SMTNL2: variants seen among roughly 807,000 people sequenced by gnomAD.
SMTNL2 encodes smoothelin-like protein 2.
In SMTNL2, 43 loss-of-function variants were observed where a neutral mutation model predicts 44.1. That is an observed-to-expected ratio of 0.98 (90% CI 0.76 to 1.26). The LOEUF (loss-of-function observed/expected upper bound fraction) is 1.26, where lower values mean the gene tolerates loss of function less well. Ranked by LOEUF, SMTNL2 falls within the 50% of genes most tolerant of loss-of-function variation. SMTNL2 has a pLI of 0.00. For missense variants in SMTNL2, 646 were observed against 670.2 expected (o/e 0.96, Z 0.40); for synonymous variants, 317 against 287.6 (o/e 1.10, Z -1.03).
Position 4,604,946 on chromosome 17 carries a change from C to G in SMTNL2, c.1260-2415C>G, listed in dbSNP as rs149143811. On this transcript the variant is annotated intron_variant, in intron 7 of 7. Coordinates refer to ENST00000389313, the MANE Select transcript of SMTNL2 (RefSeq NM_001114974.2). ...TCGGCTTCCTAAAGTGCCGGGATTA[C>G]AGGTGTGAGCCACCGTGCCCGGCCA... Among the ~76,000 whole-genome samples the G allele has an allele frequency of 5.9e-3, 892 of 152,184 alleles. 12 individuals carry two copies. The highest frequency in any genetic ancestry group is 0.021 in the African/African-American group (862 of 41,524).
chr17:4,589,171 G>A (rs1039627134), intron 1 of SMTNL2, among the ~76,000 whole-genome samples: 2 of 152,184 alleles, frequency 1.3e-5, no homozygotes, highest in African/African-American at 4.8e-5. Context: ...TGTAGCGCCT[G>A]GTCCCCTGGG....
rs1240264877 is a variant in SMTNL2, at chr17:4,595,776, G to A, written c.989+449G>A. ...GCCCAAGGACCGAAGGTGATGCCAC[G>A]GGGCCGAGTGGCCTCCAGCCTGCTA... On this transcript the variant is annotated intron_variant, in intron 5 of 7. Transcript: ENST00000389313. The surrounding 1 kb of genome is among the most constrained non-coding windows in gnomAD (Gnocchi z 5.1). 3.9e-5 allele frequency among the ~76,000 whole-genome samples: 6 copies of A among 152,238 alleles called. No homozygotes were observed. The highest frequency in any genetic ancestry group is 3.9e-4 in the East Asian group (2 of 5,190).
At chr17:4,586,510 CAAAGAGAG>C (rs1360549105) in intron 1 of SMTNL2, among the ~76,000 whole-genome samples, 14 of 34,232 alleles carry the variant, frequency 4.1e-4, no homozygotes, top group Non-Finnish European at 6.8e-4. Context: ...TGTGTACACA[CAAAGAGAG>C]AGAGAGAGAG....
chr17:4,591,338 G>A (rs1306895105), intron 1 of SMTNL2, among the ~76,000 whole-genome samples: 3 of 152,220 alleles, frequency 2.0e-5, no homozygotes, highest in Non-Finnish European at 2.9e-5. Context: ...CTCGTCCTGG[G>A]CTCGTGGTGG....
chr17:4,590,173 G>A (rs1459648409), intron 1 of SMTNL2, among the ~76,000 whole-genome samples: 1 of 151,788 alleles, frequency 6.6e-6, no homozygotes, highest in African/African-American at 2.4e-5. Flanking sequence ...CACCACGTTG[G>A]CCAGGCTGGT....
Position 4,584,554 on chromosome 17 carries a change from C to A in SMTNL2, c.-52C>A. ...AGTCGCGGCCCGGAGCTGCGGAGCT[C>A]GGATCTTCTCCCCCGTCTGGCCCGC... is the stretch of plus-strand genomic sequence containing the variant. On this transcript the variant is annotated 5_prime_UTR_variant, in exon 1 of 8. Coordinates refer to ENST00000389313, the MANE Select transcript of SMTNL2 (RefSeq NM_001114974.2). 1 of 1,215,284 alleles carries A rather than the reference C, an allele frequency of 8.2e-7. No individual in the cohort carries two copies. The highest frequency in any genetic ancestry group is 4.0e-5 in the South Asian group (1 of 24,842). The allele number at this position is 1,215,284 out of a possible 1,614,324, so 75.3% of individuals were successfully genotyped here. A position where few individuals can be genotyped will look rare whatever the true frequency, so the allele number is the denominator to read the frequency against.
At chr17:4,597,086 GT>G in intron 6 of SMTNL2, 85 bp from the exon 7 acceptor site, 3 of 1,543,484 alleles carry the variant, frequency 1.9e-6, no homozygotes, top group Non-Finnish European at 2.6e-6. Flanking sequence ...TGAGGCTGGG[GT>G]TAAGGGGTAG....
intron 1 of SMTNL2, among the ~76,000 whole-genome samples, chr17:4,589,109 C>T (rs1439715352): frequency 1.3e-5 from 2 of 152,164 alleles, no homozygotes. Flanking sequence ...CTCCCTTTGC[C>T]GGAGAACCCT....
chr17:4,605,295 G>A (rs1170455891), intron 7 of SMTNL2, among the ~76,000 whole-genome samples: 10 of 151,182 alleles, frequency 6.6e-5, no homozygotes, highest in Admixed American at 4.0e-4. Flanking sequence ...GAGTAGCTGC[G>A]ACTACAGGTG....
chr17:4,592,286 TG>T lies in SMTNL2; in HGVS notation c.400-70del. The T allele has an allele frequency of 5.0e-6, 5 of 999,288 alleles. No individual in the cohort carries two copies. The highest frequency in any genetic ancestry group is 6.4e-6 in the Non-Finnish European group (5 of 781,702). 61.9% of individuals were successfully genotyped at this position (999,288 alleles called of 1,614,324 possible). On this transcript the variant is annotated intron_variant, in intron 1 of 7. Coordinates refer to ENST00000389313, the MANE Select transcript of SMTNL2 (RefSeq NM_001114974.2). The surrounding 1 kb of genome is among the most constrained non-coding windows in gnomAD (Gnocchi z 4.5). ...TGTTTTGCCAGAACGGGAGGGGATT[TG>T]GGGGTGGGCAGCTTTTGGGGGTGGG...
chr17:4,597,837 G>A (rs975864970), intron 7 of SMTNL2, among the ~76,000 whole-genome samples: 2 of 152,142 alleles, frequency 1.3e-5, no homozygotes, highest in East Asian at 1.9e-4. Context: ...AGCTTCTTAG[G>A]TCCCACCTCT....
At chr17:4,604,906 G>A (rs1910205614) in intron 7 of SMTNL2, among the ~76,000 whole-genome samples, 1 of 151,880 alleles carries the variant, frequency 6.6e-6, no homozygotes, top group Non-Finnish European at 1.5e-5. Flanking sequence ...CCTGGCCTCA[G>A]GCAATCTGCC....
intron 7 of SMTNL2, among the ~76,000 whole-genome samples, chr17:4,604,124 C>T (rs1910164639): frequency 6.6e-6 from 1 of 152,218 alleles, no homozygotes; most frequent in African/African-American, 2.4e-5. Context: ...GGATGACAGG[C>T]ATGAGCCACC....
chr17:4,607,269 T>G lies in SMTNL2; in HGVS notation c.1260-92T>G. ...GGGAACCTCTGGCTGCCGGCTGAGC[T>G]CTGTTCCCGGGACCGAGACACCGGC... is the stretch of plus-strand genomic sequence containing the variant. On this transcript the variant is annotated intron_variant, in intron 7 of 7. Coordinates refer to ENST00000389313, the MANE Select transcript of SMTNL2 (RefSeq NM_001114974.2). This position sits in a 1 kb window ranked among gnomAD's most constrained non-coding sequence, Gnocchi z 4.7. 6.3e-7 allele frequency: 1 copy of G among 1,578,624 alleles called. No homozygotes were observed. Among genetic ancestry groups the G allele is most frequent in the Non-Finnish European group, 8.6e-7 (1 of 1,160,094 alleles).
At chr17:4,602,528 G>T (rs981163387) in intron 7 of SMTNL2, among the ~76,000 whole-genome samples, 1 of 152,070 alleles carries the variant, frequency 6.6e-6, no homozygotes, top group Non-Finnish European at 1.5e-5. Flanking sequence ...TCACCATGTT[G>T]GCCAGGCTGG....
At chr17:4,599,408 C>T (rs1248936199) in intron 7 of SMTNL2, among the ~76,000 whole-genome samples, 2 of 152,130 alleles carry the variant, frequency 1.3e-5, no homozygotes. Flanking sequence ...GACGTGGCAA[C>T]CGTCAATCAG....
At position 4,590,008 on chromosome 17, in the gene SMTNL2, T is replaced by C. The variant is rs572906310; in HGVS notation, c.400-2353T>C. Among the ~76,000 whole-genome samples, 4 of 133,906 alleles carry C rather than the reference T, an allele frequency of 3.0e-5. No homozygotes were observed. The South Asian group carries it at 1.0e-3, about 34-fold the overall frequency. 87.8% of individuals were successfully genotyped at this position (133,906 alleles called of 152,430 possible). ...TTGAGACAGAGTCTCGCTCTGTTGC[T>C]CAGGCTGGAGTGCAGTGGTGCAATC... is the stretch of plus-strand genomic sequence containing the variant. On this transcript the variant is annotated intron_variant, in intron 1 of 7. Transcript: ENST00000389313.
chr17:4,592,373 G>C lies in SMTNL2; in HGVS notation c.412G>C (p.Asp138His), dbSNP rs371153210. Reference protein sequence around the residue: ...LSGRGQSLDHDEASESEMRKT... With the variant: ...LSGRGQSLDHHEASESEMRKT... ...TGTGTCTCTGTAGAGTTTGGATCACGATGAGGCCAGTGAGTCGGAGATGAG... is the reference window on the plus strand; with the variant it reads ...TGTGTCTCTGTAGAGTTTGGATCACCATGAGGCCAGTGAGTCGGAGATGAG... Residue 138 changes from aspartate to histidine, a missense_variant, in exon 2 of 8, where the codon GAT becomes CAT. By Grantham distance (81) the Asp-to-His change is moderately conservative (BLOSUM62 -1). Transcript: ENST00000389313. The surrounding 1 kb of genome is among the most constrained non-coding windows in gnomAD (Gnocchi z 4.5). 6.2e-7 allele frequency: 1 copy of C among 1,613,672 alleles called. No homozygotes were observed. Among genetic ancestry groups the C allele is most frequent in the Non-Finnish European group, 8.5e-7 (1 of 1,179,960 alleles).
Position 4,607,865 on chromosome 17 carries a change from A to AAT in SMTNL2, c.*378_*379insAT, listed in dbSNP as rs1910345917. 1.5e-5 allele frequency: 2 copies of AAT among 136,742 alleles called. No homozygotes were observed. The highest frequency in any genetic ancestry group is 1.6e-4 in the Admixed American group (2 of 12,732). 8.5% of individuals were successfully genotyped at this position (136,742 alleles called of 1,614,324 possible). The stretch of plus-strand genomic sequence containing the variant: ...CTTTACAGGGTTACAGTGATTACCA[A>AAT]GTGTTTTTTTTTATCAAAATACCCA... On this transcript the variant is annotated 3_prime_UTR_variant, in exon 8 of 8. Coordinates refer to ENST00000389313, the MANE Select transcript of SMTNL2 (RefSeq NM_001114974.2). The surrounding 1 kb of genome is among the most constrained non-coding windows in gnomAD (Gnocchi z 4.7).
Sources: gnomAD v4.1 joint callset for allele counts (sites outside exome capture counted in the v4.1 genomes callset) on GRCh38, gnomAD v4.1.1 for gene constraint, Gnocchi (gnomAD v3.1) non-coding constraint, MANE v1.5 for transcripts, NCBI Gene and HGNC (gene_info 2026-07-23, HGNC 2026-07-21) for gene names.